The following TNFRSF11A variants were observed in gnomAD, a reference collection of about 807,000 sequenced individuals.
TNFRSF11A encodes tumor necrosis factor receptor superfamily member 11A.
TNFRSF11A carries 32 observed loss-of-function variants against 55.7 expected under a neutral mutation model. That is an observed-to-expected ratio of 0.57 (90% CI 0.43 to 0.77). The LOEUF is 0.77. Ranked by LOEUF, TNFRSF11A falls within the 30% of genes least tolerant of loss-of-function variation. TNFRSF11A has a pLI of 0.00. For missense variants in TNFRSF11A, 753 were observed against 809.8 expected (o/e 0.93, Z 0.85); for synonymous variants, 311 against 331.0 (o/e 0.94, Z 0.65).
At chr18:62,380,218 T>G (rs1459105050) in intron 9 of TNFRSF11A, among the ~76,000 whole-genome samples, 1 of 152,242 alleles carries the variant, frequency 6.6e-6, no homozygotes, top group Non-Finnish European at 1.5e-5. Flanking sequence ...TTGCCACGTA[T>G]TGTGTGATTG....
chr18:62,365,869 G>A (rs1568488312), intron 7 of TNFRSF11A, among the ~76,000 whole-genome samples: 1 of 152,050 alleles, frequency 6.6e-6, no homozygotes, highest in South Asian at 2.1e-4. Context: ...CTAGGTTGGA[G>A]TGCAGTGGCA....
At chr18:62,329,867 C>G (rs2046126671) in intron 1 of TNFRSF11A, among the ~76,000 whole-genome samples, 1 of 152,184 alleles carries the variant, frequency 6.6e-6, no homozygotes, top group Non-Finnish European at 1.5e-5. Context: ...GTGTCACGTT[C>G]CAGTCGCAGT....
chr18:62,344,850 C>T (rs2046359904), intron 1 of TNFRSF11A, among the ~76,000 whole-genome samples: 1 of 152,110 alleles, frequency 6.6e-6, no homozygotes, highest in Non-Finnish European at 1.5e-5. Context: ...AAAATGACAC[C>T]CAGAGGATGA....
intron 9 of TNFRSF11A, among the ~76,000 whole-genome samples, chr18:62,371,627 G>A (rs920724714): frequency 1.3e-5 from 2 of 152,180 alleles, no homozygotes; most frequent in Non-Finnish European, 2.9e-5. Flanking sequence ...GCCCGTGGTC[G>A]ACGCCAGCAA....
intron 7 of TNFRSF11A, among the ~76,000 whole-genome samples, chr18:62,366,372 G>A (rs546427939): frequency 1.2e-4 from 18 of 152,232 alleles, no homozygotes; most frequent in African/African-American, 4.3e-4. Context: ...ATGGGGAGAT[G>A]TGGGTCGGAG....
At position 62,363,971 on chromosome 18, in the gene TNFRSF11A, T is replaced by G. The variant is rs1301947114; in HGVS notation, c.730+2178T>G. ...TGATCATCAGGGACTGGACTGACACTGGGGTCTCAATATCGAGCAACACAG... is the reference window on the plus strand; with the variant it reads ...TGATCATCAGGGACTGGACTGACACGGGGGTCTCAATATCGAGCAACACAG... On this transcript the variant is annotated intron_variant, in intron 7 of 9. Coordinates refer to ENST00000586569, the MANE Select transcript of TNFRSF11A (RefSeq NM_003839.4). 2.0e-5 allele frequency among the ~76,000 whole-genome samples: 3 copies of G among 152,208 alleles called. No homozygotes were observed. The South Asian group carries it at 6.2e-4, about 31-fold the overall frequency.
At chr18:62,372,766 G>C (rs1013334539) in intron 9 of TNFRSF11A, 1 of 152,168 alleles carries the variant, frequency 6.6e-6, no homozygotes, top group Non-Finnish European at 1.5e-5. Flanking sequence ...GCAGTGTTTG[G>C]TTTTCTGTTT....
chr18:62,358,225 GTTTT>G lies in TNFRSF11A; in HGVS notation c.428-11_428-8del. The G allele has an allele frequency of 2.0e-5, 29 of 1,460,198 alleles. No homozygotes were observed. Among genetic ancestry groups the G allele is most frequent in the South Asian group, 3.5e-5 (3 of 85,994 alleles). The allele number at this position is 1,460,198 out of a possible 1,614,324, so 90.5% of individuals were successfully genotyped here. A position where few individuals can be genotyped will look rare whatever the true frequency, so the allele number is the denominator to read the frequency against. ...GTTTTTTGTTTGTTCTGTCTGGGTT[GTTTT>G]TTTTTTTTTTTCTCACAGTGCAGCT... On this transcript the variant is annotated intron_variant, in intron 4 of 9. Coordinates refer to ENST00000586569, the MANE Select transcript of TNFRSF11A (RefSeq NM_003839.4).
intron 1 of TNFRSF11A, among the ~76,000 whole-genome samples, chr18:62,328,866 T>C (rs1276387514): frequency 6.6e-6 from 1 of 152,238 alleles, no homozygotes; most frequent in Non-Finnish European, 1.5e-5. Flanking sequence ...AATAGGAACA[T>C]ACTCCCTGTG....
intron 5 of TNFRSF11A, among the ~76,000 whole-genome samples, chr18:62,358,855 A>G (rs1307219202): frequency 6.6e-6 from 1 of 152,088 alleles, no homozygotes; most frequent in Non-Finnish European, 1.5e-5. Context: ...ATAGTATTTC[A>G]TTGTAGAGAT....
chr18:62,333,955 C>A (rs2046193089), intron 1 of TNFRSF11A, among the ~76,000 whole-genome samples: 1 of 151,896 alleles, frequency 6.6e-6, no homozygotes, highest in Non-Finnish European at 1.5e-5. Context: ...ACCTCCGCCT[C>A]CCCCATTCAA....
At chr18:62,334,148 G>C (rs1043789635) in intron 1 of TNFRSF11A, among the ~76,000 whole-genome samples, 1 of 152,190 alleles carries the variant, frequency 6.6e-6, no homozygotes, top group Non-Finnish European at 1.5e-5. Context: ...TTGCAGGCAT[G>C]AGCCACCGCG....
intron 7 of TNFRSF11A, 63 bp downstream of exon 7, chr18:62,361,856 T>A: frequency 7.0e-7 from 1 of 1,438,436 alleles, no homozygotes; most frequent in Non-Finnish European, 9.8e-7. Context: ...GGTAAATGCT[T>A]TGGAAGTTGA....
At position 62,384,892 on chromosome 18, in the gene TNFRSF11A, T is replaced by C; in HGVS notation, c.1709T>C (p.Val570Ala). ...GCTGCGGAGCCCATGGGCCGCCCGG[T>C]GCAGGAGGAGACCCTGGCGCGCCGA... Reference protein sequence around the residue: ...AAAAEPMGRPVQEETLARRDS... With the variant: ...AAAAEPMGRPAQEETLARRDS... Residue 570 changes from valine (V) to alanine (A), a missense_variant, in exon 10 of 10, where the codon GTG becomes GCG. Val to Ala is a moderately conservative substitution (Grantham distance 64). This residue lies in a region of TNFRSF11A where 567 missense variants were observed against 596.7 expected (regional missense o/e 0.95). Coordinates refer to ENST00000586569, the MANE Select transcript of TNFRSF11A (RefSeq NM_003839.4). The C allele has an allele frequency of 6.3e-7, 1 of 1,587,104 alleles. No homozygotes were observed. The highest frequency in any genetic ancestry group is 8.6e-7 in the Non-Finnish European group (1 of 1,167,136).
rs911221826 is a variant in TNFRSF11A at position 62,391,093 on chromosome 18, T to A, written c.*6059T>A. 1 of 152,276 alleles carries A rather than the reference T, an allele frequency of 6.6e-6. No individual in the cohort carries two copies. Among genetic ancestry groups the A allele is most frequent in the Non-Finnish European group, 1.5e-5 (1 of 68,054 alleles). 9.4% of individuals were successfully genotyped at this position (152,276 alleles called of 1,614,324 possible). On this transcript the variant is annotated 3_prime_UTR_variant, in exon 10 of 10. Coordinates refer to ENST00000586569, the MANE Select transcript of TNFRSF11A (RefSeq NM_003839.4). ...TAGTTTCACCTTTTCCAATTTGTCGTGTAGAGTTACACAGCTCATAGCCAT... is the reference window on the plus strand; with the variant it reads ...TAGTTTCACCTTTTCCAATTTGTCGAGTAGAGTTACACAGCTCATAGCCAT...
chr18:62,378,995 C>T (rs1159813798), intron 9 of TNFRSF11A, among the ~76,000 whole-genome samples: 1 of 152,168 alleles, frequency 6.6e-6, no homozygotes. Context: ...GATTGCTTTC[C>T]GGTGAATCTG....
intron 1 of TNFRSF11A, among the ~76,000 whole-genome samples, chr18:62,329,085 A>C (rs2046113978): frequency 6.6e-6 from 1 of 152,100 alleles, no homozygotes; most frequent in African/African-American, 2.4e-5. Flanking sequence ...CAATATTAAA[A>C]TTTCCCCCAT....
At chr18:62,361,823 CAATCTTAAA>C in intron 7 of TNFRSF11A, 30 bp downstream of exon 7, 1 of 1,567,428 alleles carries the variant, frequency 6.4e-7, no homozygotes, top group Non-Finnish European at 8.8e-7. Context: ...TTTTGCAAAC[CAATCTTAAA>C]AGATAGATTT....
intron 9 of TNFRSF11A, among the ~76,000 whole-genome samples, chr18:62,379,481 A>T (rs1391408913): frequency 1.3e-5 from 2 of 152,248 alleles, no homozygotes; most frequent in Non-Finnish European, 2.9e-5. Context: ...TTTGATAATC[A>T]TGATTATTTC....
Sources: gnomAD v4.1 joint callset for allele counts (sites outside exome capture counted in the v4.1 genomes callset) on GRCh38, gnomAD v4.1.1 for gene constraint, gnomAD v4.1.1 regional missense constraint, MANE v1.5 for transcripts, NCBI Gene and HGNC (gene_info 2026-07-23, HGNC 2026-07-21) for gene names.